Variants in TAFA2 observed in about 807,000 individuals in gnomAD.
TAFA2 encodes the protein TAFA chemokine like family member 2, also known as chemokine-like protein TAFA-2.
Under a neutral mutation model 18.8 loss-of-function variants are expected in TAFA2, and 7 were observed. The observed-to-expected ratio is 0.37, with a 90% CI of 0.21 to 0.70. TAFA2 has a LOEUF of 0.70. TAFA2 is among the 30% of genes least tolerant of loss of function. The pLI is 0.53. For missense variants in TAFA2, 122 were observed against 158.1 expected, an observed-to-expected ratio of 0.77 and a Z score of 1.23; for synonymous variants, 60 against 54.2, an observed-to-expected ratio of 1.11 and a Z score of -0.47.
At chr12:61,936,742 CCT>C (rs1877785808) in intron 1 of TAFA2, among the ~76,000 whole-genome samples, 1 of 152,062 alleles carries the variant, frequency 6.6e-6, no homozygotes, top group Non-Finnish European at 1.5e-5. Flanking sequence ...AACTATTTCC[CCT>C]GAGAATTGGT....
At chr12:62,027,241 GC>G (rs1881334587) in intron 1 of TAFA2, among the ~76,000 whole-genome samples, 1 of 152,056 alleles carries the variant, frequency 6.6e-6, no homozygotes, top group South Asian at 2.1e-4. Flanking sequence ...TTGTGTGATT[GC>G]AAGATAAAGA....
At chr12:61,848,259 G>A (rs577372923) in intron 2 of TAFA2, among the ~76,000 whole-genome samples, 1 of 152,114 alleles carries the variant, frequency 6.6e-6, no homozygotes, top group Non-Finnish European at 1.5e-5. Flanking sequence ...CAACTCCCCA[G>A]TATGACCCAT....
chr12:61,986,158 CTTTTTTTTTTTT>C (rs551223452), intron 1 of TAFA2, among the ~76,000 whole-genome samples: 40 of 65,862 alleles, frequency 6.1e-4, no homozygotes, highest in African/African-American at 2.4e-3. Flanking sequence ...CTAAGCTCTT[CTTTTTTTTTTTT>C]TTTTTTTTTT....
intron 2 of TAFA2, among the ~76,000 whole-genome samples, chr12:61,830,299 T>C (rs983266590): frequency 2.0e-5 from 3 of 150,594 alleles, no homozygotes; most frequent in African/African-American, 7.3e-5. Context: ...ATCTTTTATA[T>C]CATATATCAA....
At chr12:61,836,831 G>A (rs914764236) in intron 2 of TAFA2, among the ~76,000 whole-genome samples, 3 of 149,390 alleles carry the variant, frequency 2.0e-5, no homozygotes, top group Non-Finnish European at 4.5e-5. Context: ...AATTGAACCA[G>A]TGTTTACATG....
At chr12:62,190,353 G>T (rs1463659509) in intron 1 of TAFA2, among the ~76,000 whole-genome samples, 2 of 152,214 alleles carry the variant, frequency 1.3e-5, no homozygotes, top group Admixed American at 1.3e-4. Flanking sequence ...AAAATAACAC[G>T]TTCCCCCATT....
At chr12:62,185,057 C>T (rs1184528286) in intron 1 of TAFA2, among the ~76,000 whole-genome samples, 1 of 151,990 alleles carries the variant, frequency 6.6e-6, no homozygotes, top group Non-Finnish European at 1.5e-5. Flanking sequence ...GCAAACATAC[C>T]TTCAACTAAA....
intron 2 of TAFA2, among the ~76,000 whole-genome samples, chr12:61,833,741 T>C (rs1872806855): frequency 1.3e-5 from 2 of 151,996 alleles, no homozygotes; most frequent in Admixed American, 1.3e-4. Flanking sequence ...ATAAGAACTC[T>C]CTTGCCCACC....
At chr12:61,935,317 T>C (rs1363244039) in intron 1 of TAFA2, among the ~76,000 whole-genome samples, 1 of 151,998 alleles carries the variant, frequency 6.6e-6, no homozygotes, top group Non-Finnish European at 1.5e-5. Flanking sequence ...CTGATAGAAA[T>C]TCATCATAAG....
At chr12:61,792,006 T>A (rs1230601663) in intron 2 of TAFA2, among the ~76,000 whole-genome samples, 2 of 151,708 alleles carry the variant, frequency 1.3e-5, no homozygotes, top group Non-Finnish European at 3.0e-5. Context: ...ATATGGTACA[T>A]ATAAAAACAA....
intron 2 of TAFA2, among the ~76,000 whole-genome samples, chr12:61,807,943 G>T (rs1871694495): frequency 6.6e-6 from 1 of 151,516 alleles, no homozygotes; most frequent in East Asian, 1.9e-4. Context: ...GAAGGGACTT[G>T]CCTTGTCTCA....
At chr12:61,759,968 T>C (rs1451654251) in intron 2 of TAFA2, among the ~76,000 whole-genome samples, 1 of 151,078 alleles carries the variant, frequency 6.6e-6, no homozygotes, top group Non-Finnish European at 1.5e-5. Flanking sequence ...AAGAGAGGTA[T>C]GCCCTCCTTC....
At chr12:62,088,885 TCTC>T (rs1868580936) in intron 1 of TAFA2, among the ~76,000 whole-genome samples, 4 of 67,444 alleles carry the variant, frequency 5.9e-5, no homozygotes, top group African/African-American at 9.0e-5. Context: ...TTTCTTTCTC[TCTC>T]TCTCTCTCTC....
At chr12:61,784,179 C>A (rs1034128943) in intron 2 of TAFA2, among the ~76,000 whole-genome samples, 1 of 151,236 alleles carries the variant, frequency 6.6e-6, no homozygotes, top group Non-Finnish European at 1.5e-5. Context: ...GAAATAAGAC[C>A]CCTCTTTACA....
At chr12:61,838,959 C>T (rs1873052389) in intron 2 of TAFA2, among the ~76,000 whole-genome samples, 2 of 152,140 alleles carry the variant, frequency 1.3e-5, no homozygotes, top group Middle Eastern at 3.4e-3. Flanking sequence ...CCCCAAATAT[C>T]AATAGTGCCA....
intron 1 of TAFA2, among the ~76,000 whole-genome samples, chr12:61,981,891 A>C (rs1879648401): frequency 6.6e-6 from 1 of 152,154 alleles, no homozygotes; most frequent in Non-Finnish European, 1.5e-5. Flanking sequence ...GCTATTCCTC[A>C]AGGATCTAGA....
intron 1 of TAFA2, among the ~76,000 whole-genome samples, chr12:61,998,233 C>T (rs960889532): frequency 1.3e-5 from 2 of 152,156 alleles, no homozygotes; most frequent in African/African-American, 4.8e-5. Context: ...GGGGAAATAA[C>T]AGGTTTCAAG....
chr12:61,819,192 TAAAG>T (rs968407734), intron 2 of TAFA2, among the ~76,000 whole-genome samples: 11 of 152,070 alleles, frequency 7.2e-5, no homozygotes, highest in African/African-American at 2.7e-4. Flanking sequence ...TAATTTGACT[TAAAG>T]AGAGAAACAG....
intron 1 of TAFA2, among the ~76,000 whole-genome samples, chr12:62,169,004 A>T (rs1181927184): frequency 6.6e-6 from 1 of 152,000 alleles, no homozygotes; most frequent in Non-Finnish European, 1.5e-5. Context: ...GTATATATTT[A>T]AAAATTGGGG....
Sources: allele counts gnomAD v4.1 joint callset (sites outside exome capture counted in the v4.1 genomes callset), GRCh38; gene constraint gnomAD v4.1.1; transcripts MANE v1.5; gene names NCBI Gene and HGNC (gene_info 2026-07-23, HGNC 2026-07-21).